EPHA5: variants seen among roughly 807,000 people sequenced by gnomAD.
EPHA5 encodes EPH receptor A5.
Under a neutral mutation model 105.0 loss-of-function variants are expected in EPHA5, and 60 were observed. The ratio of observed to expected loss-of-function variants is 0.57; its 90% CI spans 0.46 to 0.71. The LOEUF is 0.71. EPHA5 is among the 30% of genes least tolerant of loss of function. The pLI, the probability that EPHA5 is intolerant of heterozygous loss-of-function variation, is 0.00. For missense variants in EPHA5, 1,218 were observed against 1,274.7 expected, an observed-to-expected ratio of 0.96 and a Z score of 0.68; for synonymous variants, 513 against 449.1, an observed-to-expected ratio of 1.14 and a Z score of -1.80.
chr4:65,378,766 T>A (rs1719264280), intron 8 of EPHA5, among the ~76,000 whole-genome samples: 1 of 150,392 alleles, frequency 6.6e-6, no homozygotes. Context: ...ACTGCTCTTG[T>A]TTGCTTGTTT....
chr4:65,505,719 C>T (rs1018795494), intron 3 of EPHA5, among the ~76,000 whole-genome samples: 6 of 152,042 alleles, frequency 3.9e-5, no homozygotes, highest in African/African-American at 1.4e-4. Context: ...CGAATTTATA[C>T]CTCTTTTCCA....
chr4:65,559,873 A>G lies in EPHA5; in HGVS notation c.910+41768T>C, dbSNP rs535389648. Reference sequence around the variant, plus strand: ...ATTTCGGACAGAATAAAATGTCTCGATTACTGAAAAGGTGTATGTTTTACA... The same window carrying G: ...ATTTCGGACAGAATAAAATGTCTCGGTTACTGAAAAGGTGTATGTTTTACA... On this transcript the variant is annotated intron_variant, in intron 3 of 16. Coordinates refer to ENST00000613740, the MANE Select transcript of EPHA5 (RefSeq NM_001281766.3). Among the ~76,000 whole-genome samples the G allele has an allele frequency of 6.6e-5, 10 of 152,266 alleles. No individual in the cohort carries two copies. The South Asian group carries it at 2.1e-3, about 32-fold the overall frequency.
At chr4:65,401,048 A>ATG (rs891024558) in intron 8 of EPHA5, among the ~76,000 whole-genome samples, 7 of 150,514 alleles carry the variant, frequency 4.7e-5, no homozygotes, top group East Asian at 3.9e-4. Flanking sequence ...GTGTGTGTGC[A>ATG]TGTGTGTGTG....
chr4:65,350,691 A>C (rs1300806091), intron 13 of EPHA5, among the ~76,000 whole-genome samples: 1 of 152,078 alleles, frequency 6.6e-6, no homozygotes, highest in Non-Finnish European at 1.5e-5. Context: ...TTCACAGAAA[A>C]AATGTCAATT....
chr4:65,585,238 A>G (rs546313442), intron 3 of EPHA5, among the ~76,000 whole-genome samples: 2 of 152,044 alleles, frequency 1.3e-5, no homozygotes, highest in East Asian at 1.9e-4. Context: ...ATGAATTTAT[A>G]TTACAGAAAA....
In EPHA5 at chr4:65,402,343, C is replaced by T. The variant is rs138842384; in HGVS notation, c.1793+2031G>A. Among the ~76,000 whole-genome samples, 1,187 of 152,136 alleles carry T rather than the reference C, an allele frequency of 7.8e-3. 8 individuals carry two copies. Among genetic ancestry groups the T allele is most frequent in the Non-Finnish European group, 0.011 (745 of 67,986 alleles). ...GTATGGGTGACTTTGTAGGAATGTG[C>T]GCACGTATGCACTAAAATGATACTA... On this transcript the variant is annotated intron_variant, in intron 8 of 16. Transcript: ENST00000613740.
At chr4:65,471,778 C>T (rs1053419928) in intron 5 of EPHA5, among the ~76,000 whole-genome samples, 2 of 152,144 alleles carry the variant, frequency 1.3e-5, no homozygotes, top group Non-Finnish European at 2.9e-5. Flanking sequence ...ATCCAATCAC[C>T]TCCCACCTGC....
At position 65,573,328 on chromosome 4, in the gene EPHA5, G is replaced by C. The variant is rs1740413866; in HGVS notation, c.910+28313C>G. 9 of 555,748 alleles carry C rather than the reference G, an allele frequency of 1.6e-5. No individual in the cohort carries two copies. In the Admixed American group the frequency reaches 3.0e-4, roughly 18 times the overall value. The allele number at this position is 555,748 out of a possible 1,614,324, so 34.4% of individuals were successfully genotyped here. On this transcript the variant is annotated intron_variant, in intron 3 of 16. Transcript: ENST00000613740. ...TGGGAGGCGGAGGCAGGAGAATGGCGTGAACCCGGGAGGCAGAGCTTGCAA... is the reference window on the plus strand; with the variant it reads ...TGGGAGGCGGAGGCAGGAGAATGGCCTGAACCCGGGAGGCAGAGCTTGCAA...
chr4:65,401,414 T>G (rs1016255252), intron 8 of EPHA5, among the ~76,000 whole-genome samples: 2 of 152,060 alleles, frequency 1.3e-5, no homozygotes, highest in African/African-American at 4.8e-5. Context: ...TATAATAAAA[T>G]ATAAAGTAGT....
chr4:65,442,354 A>G (rs1047772795), intron 5 of EPHA5, among the ~76,000 whole-genome samples: 13 of 152,186 alleles, frequency 8.5e-5, no homozygotes, highest in African/African-American at 3.1e-4. Flanking sequence ...GCAGAAGGCA[A>G]CTGTGTGCAA....
At chr4:65,432,465 T>C (rs575999013) in intron 5 of EPHA5, among the ~76,000 whole-genome samples, 1 of 152,346 alleles carries the variant, frequency 6.6e-6, no homozygotes, top group South Asian at 2.1e-4. Flanking sequence ...CAAGTCAGAA[T>C]ATGTTTGAAA....
intron 5 of EPHA5, among the ~76,000 whole-genome samples, chr4:65,421,432 C>T (rs1383028141): frequency 6.6e-6 from 1 of 152,036 alleles, no homozygotes; most frequent in Admixed American, 6.6e-5. Context: ...ATAGAAACAA[C>T]AGAGGGTTAA....
intron 7 of EPHA5, among the ~76,000 whole-genome samples, chr4:65,405,136 T>C (rs1722237407): frequency 6.6e-6 from 1 of 152,192 alleles, no homozygotes; most frequent in African/African-American, 2.4e-5. Context: ...ACCTACTCTT[T>C]ATATACATAG....
chr4:65,394,487 T>C (rs1721023489), intron 8 of EPHA5, among the ~76,000 whole-genome samples: 1 of 152,206 alleles, frequency 6.6e-6, no homozygotes, highest in South Asian at 2.1e-4. Context: ...TTATTTTGTA[T>C]CCTTCTCTAG....
At chr4:65,575,479 TA>T (rs964787234) in intron 3 of EPHA5, among the ~76,000 whole-genome samples, 1 of 152,214 alleles carries the variant, frequency 6.6e-6, no homozygotes, top group African/African-American at 2.4e-5. Flanking sequence ...TGTTTTCTGC[TA>T]ACACTCTGCA....
At chr4:65,354,655 T>C (rs1194021546) in intron 11 of EPHA5, among the ~76,000 whole-genome samples, 2 of 151,776 alleles carry the variant, frequency 1.3e-5, no homozygotes, top group African/African-American at 2.4e-5. Context: ...TGTATTTTAC[T>C]GGATAATTGA....
chr4:65,478,244 T>C (rs1314819066), intron 5 of EPHA5, among the ~76,000 whole-genome samples: 1 of 152,140 alleles, frequency 6.6e-6, no homozygotes, highest in Non-Finnish European at 1.5e-5. Context: ...GAAGCATCAG[T>C]GTGAGGCCAA....
At position 65,569,736 on chromosome 4, in the gene EPHA5, A is replaced by G. The variant is rs192261460; in HGVS notation, c.910+31905T>C. On this transcript the variant is annotated intron_variant, in intron 3 of 16. Coordinates refer to ENST00000613740, the MANE Select transcript of EPHA5 (RefSeq NM_001281766.3). ...GCAAGTGAAAAATTTTAAAGTTCTT[A>G]TATTTAATATGGGCAGAATCTTTGC... 2.7e-3 allele frequency among the ~76,000 whole-genome samples: 404 copies of G among 151,868 alleles called. 2 individuals are homozygous for G. The highest frequency in any genetic ancestry group is 2.5e-3 in the Non-Finnish European group (169 of 67,688).
intron 11 of EPHA5, 39 bp downstream of exon 11, chr4:65,364,978 G>A (rs774404793): frequency 1.3e-5 from 20 of 1,531,298 alleles, no homozygotes; most frequent in Non-Finnish European, 1.8e-5. Context: ...CAGATATTGA[G>A]GATATGCACA....
Sources: allele counts gnomAD v4.1 joint callset (sites outside exome capture counted in the v4.1 genomes callset), GRCh38; gene constraint gnomAD v4.1.1; transcripts MANE v1.5; gene names NCBI Gene and HGNC (gene_info 2026-07-23, HGNC 2026-07-21).